Variants in FAM47E observed in about 807,000 individuals in gnomAD.
The protein encoded by FAM47E is family with sequence similarity 47 member E.
A neutral mutation model predicts 41.6 loss-of-function variants in FAM47E; 32 were observed. The observed-to-expected ratio is 0.77, with a 90% CI of 0.58 to 1.03. FAM47E has a LOEUF of 1.03. Among genes scored for constraint, FAM47E ranks in the 50% least tolerant of loss-of-function variants. The probability of loss-of-function intolerance (pLI) is 0.00; values close to 1 mark genes in which losing one functional copy is unlikely to be tolerated. For synonymous variants in FAM47E, 184 were observed against 188.7 expected, an observed-to-expected ratio of 0.98 and a Z score of 0.20; for missense variants, 424 against 485.4, an observed-to-expected ratio of 0.87 and a Z score of 1.19.
At chr4:76,219,685 G>A (rs1354005498) in intron 2 of FAM47E, among the ~76,000 whole-genome samples, 1 of 152,102 alleles carries the variant, frequency 6.6e-6, no homozygotes, top group South Asian at 2.1e-4. Flanking sequence ...TCAGCCTGGA[G>A]TGGTGGGGAG....
chr4:76,246,583 T>G (rs1733831959), intron 2 of FAM47E, among the ~76,000 whole-genome samples: 1 of 152,118 alleles, frequency 6.6e-6, no homozygotes, highest in Admixed American at 6.5e-5. Context: ...ACAAATCTGA[T>G]GTGTATAGCT....
At chr4:76,217,695 T>C (rs1466738759) in intron 2 of FAM47E, 2 of 596,152 alleles carry the variant, frequency 3.4e-6, no homozygotes, top group East Asian at 5.8e-5. Context: ...TCAGGTATTG[T>C]TATAGCAACA....
intron 2 of FAM47E, among the ~76,000 whole-genome samples, chr4:76,262,946 A>AAGCAGAGTGCACACAATTGCCAAAC (rs1316209458): frequency 2.0e-5 from 3 of 152,248 alleles, no homozygotes; most frequent in African/African-American, 7.2e-5. Flanking sequence ...AAATTTTTTA[A>AAGCAGAGTGCACACAATTGCCAAAC]ATAGAAACAG....
At chr4:76,222,920 G>C (rs537031458) in intron 2 of FAM47E, among the ~76,000 whole-genome samples, 7 of 152,188 alleles carry the variant, frequency 4.6e-5, no homozygotes, top group Non-Finnish European at 1.0e-4. Context: ...AAGAAAGGCA[G>C]GGGGGGAAGA....
chr4:76,240,648 G>T (rs1021779826), intron 2 of FAM47E, among the ~76,000 whole-genome samples: 2 of 151,954 alleles, frequency 1.3e-5, no homozygotes, highest in African/African-American at 4.8e-5. Flanking sequence ...TGATTCTTGT[G>T]CTTGCTCAAA....
intron 1 of FAM47E, among the ~76,000 whole-genome samples, chr4:76,252,840 A>G (rs1376179751): frequency 1.3e-5 from 2 of 152,212 alleles, no homozygotes; most frequent in Non-Finnish European, 2.9e-5. Context: ...ACATAACGAT[A>G]GCACATTGCC....
chr4:76,273,873 G>A (rs956198829), intron 5 of FAM47E, among the ~76,000 whole-genome samples: 1 of 150,352 alleles, frequency 6.7e-6, no homozygotes, highest in African/African-American at 2.4e-5. Context: ...TTTCTGCAAT[G>A]TCTAATCTTC....
intron 5 of FAM47E, among the ~76,000 whole-genome samples, chr4:76,276,769 TAGAGGC>T (rs1466419225): frequency 6.6e-6 from 1 of 152,190 alleles, no homozygotes; most frequent in Admixed American, 6.5e-5. Context: ...ACAGTGTGTG[TAGAGGC>T]ACTGAGGCAG....
At chr4:76,221,695 A>C (rs1733310923) in intron 2 of FAM47E, among the ~76,000 whole-genome samples, 1 of 152,236 alleles carries the variant, frequency 6.6e-6, no homozygotes, top group Non-Finnish European at 1.5e-5. Context: ...TTAGCTAAAG[A>C]GCTAAGCATC....
chr4:76,276,368 G>GTTTGTTT (rs1553957221), intron 5 of FAM47E, among the ~76,000 whole-genome samples: 2 of 149,938 alleles, frequency 1.3e-5, no homozygotes, highest in Admixed American at 1.3e-4. Flanking sequence ...TTTTTTGTTT[G>GTTTGTTT]TTTGTTTTTT....
rs555915017 is a variant in FAM47E, at chr4:76,280,278, A to G, written c.1041A>G (p.Ala347=). 976 of 1,550,166 alleles carry G rather than the reference A, an allele frequency of 6.3e-4. 14 individuals are homozygous for G. The South Asian group carries it at 0.011, about 18-fold the overall frequency. The change falls in exon 7 of 8, where the codon GCA becomes GCG. Residue 347 remains alanine (A), a synonymous_variant. Coordinates refer to ENST00000424749, the MANE Select transcript of FAM47E (RefSeq NM_001136570.3). The part of the protein sequence containing the change: ...KELQEQEELL[A]DLHGTVAFKD... ...TACTCTTTTAGGAGGAGTTACTTGC[A>G]GACCTTCACGGAACAGTTGCCTTTA... is the stretch of plus-strand genomic sequence containing the variant.
chr4:76,227,164 T>C (rs1318575855), intron 2 of FAM47E, among the ~76,000 whole-genome samples: 1 of 152,228 alleles, frequency 6.6e-6, no homozygotes, highest in African/African-American at 2.4e-5. Flanking sequence ...AGTCAAAAGT[T>C]TGATGAACTT....
intron 2 of FAM47E, among the ~76,000 whole-genome samples, chr4:76,257,642 C>G (rs192160133): frequency 3.3e-5 from 5 of 152,178 alleles, no homozygotes. Flanking sequence ...CAATTCAGCT[C>G]TCTGTTCTGG....
chr4:76,258,468 A>T (rs1312781053), intron 2 of FAM47E, among the ~76,000 whole-genome samples: 4 of 152,192 alleles, frequency 2.6e-5, no homozygotes, highest in South Asian at 2.1e-4. Flanking sequence ...CATGCGAGGG[A>T]AAGTAGACAG....
At chr4:76,214,980 C>T (rs1733173203) in intron 1 of FAM47E, among the ~76,000 whole-genome samples, 1 of 152,214 alleles carries the variant, frequency 6.6e-6, no homozygotes, top group Non-Finnish European at 1.5e-5. Context: ...ATAAAAAGTT[C>T]AGCAAGGCCA....
chr4:76,231,897 G>T (rs755419654), intron 2 of FAM47E, among the ~76,000 whole-genome samples: 1 of 152,166 alleles, frequency 6.6e-6, no homozygotes, highest in Non-Finnish European at 1.5e-5. Flanking sequence ...TTTTATTGGC[G>T]CTGCAAGTCA....
chr4:76,278,312 G>A (rs766478946), intron 6 of FAM47E, 88 bp downstream of exon 6: 89 of 1,331,014 alleles, frequency 6.7e-5, no homozygotes, highest in Middle Eastern at 2.8e-4. Context: ...ACTCTGCGGC[G>A]TAATACAAAG....
intron 2 of FAM47E, among the ~76,000 whole-genome samples, chr4:76,218,984 A>G (rs558404793): frequency 2.9e-4 from 44 of 152,326 alleles, no homozygotes; most frequent in African/African-American, 1.1e-3. Context: ...AAACTGAGGC[A>G]CACAGAGATT....
Position 76,217,677 on chromosome 4 carries a change from AC to A in FAM47E, c.73del (p.Gln25AsnfsTer32). On this transcript the variant is annotated frameshift_variant, in exon 2 of 8. Coordinates refer to the FAM47E transcript ENST00000510197. LOFTEE classifies it high-confidence loss of function. ...TGAGCCAAATAAACCTCTTTTCACTACCCAATCTCAGGTATTGTTATAGCAA... is the reference window on the plus strand; with the variant it reads ...TGAGCCAAATAAACCTCTTTTCACTACCAATCTCAGGTATTGTTATAGCAA... The A allele has an allele frequency of 1.6e-6, 1 of 640,154 alleles. No homozygotes were observed. Among genetic ancestry groups the A allele is most frequent in the South Asian group, 1.8e-5 (1 of 54,864 alleles). The allele number at this position is 640,154 out of a possible 1,614,324, so 39.7% of individuals were successfully genotyped here. A position where few individuals can be genotyped will look rare whatever the true frequency, so the allele number is the denominator to read the frequency against.
Sources: gnomAD v4.1 joint callset for allele counts (sites outside exome capture counted in the v4.1 genomes callset) on GRCh38, gnomAD v4.1.1 for gene constraint, MANE v1.5 for transcripts, NCBI Gene and HGNC (gene_info 2026-07-23, HGNC 2026-07-21) for gene names.